ETV1: variants seen among roughly 807,000 people sequenced by gnomAD.
The protein encoded by ETV1 is ETS translocation variant 1.
ETV1 carries 27 observed loss-of-function variants against 62.3 expected under a neutral mutation model. The observed-to-expected ratio is 0.43, with a 90% CI of 0.32 to 0.60. The LOEUF (loss-of-function observed/expected upper bound fraction) is 0.60, where lower values mean the gene tolerates loss of function less well. ETV1 is among the 20% of genes least tolerant of loss of function. ETV1 has a pLI of 0.06. For synonymous variants in ETV1, 222 were observed against 199.6 expected (o/e 1.11, Z -0.94); for missense variants, 605 against 605.8 (o/e 1.00, Z 0.01).
chr7:13,895,858 C>A lies in ETV1; in HGVS notation c.*8G>T, dbSNP rs879180769. ...GCGCAAAAACGCCCTGCTTGACTGT[C>A]ACTTGTGTTAATACACGTAGCCTTC... On this transcript the variant is annotated 3_prime_UTR_variant, in exon 14 of 14. Transcript: ENST00000430479. 2 of 1,607,994 alleles carry A rather than the reference C, an allele frequency of 1.2e-6. No individual in the cohort carries two copies. Among genetic ancestry groups the A allele is most frequent in the Admixed American group, 1.7e-5 (1 of 59,756 alleles).
chr7:13,940,563 T>C (rs1054879987), intron 6 of ETV1, among the ~76,000 whole-genome samples: 5 of 152,084 alleles, frequency 3.3e-5, no homozygotes, highest in Non-Finnish European at 7.3e-5. Context: ...CAGGTATGAA[T>C]AGTCAAGGGA....
chr7:13,931,969 T>C (rs933305099), intron 8 of ETV1, among the ~76,000 whole-genome samples: 1 of 152,000 alleles, frequency 6.6e-6, no homozygotes. Context: ...TGCAGCACTG[T>C]TGCAGTATAT....
At chr7:13,949,345 T>C (rs2128470190) in intron 6 of ETV1, among the ~76,000 whole-genome samples, 1 of 152,284 alleles carries the variant, frequency 6.6e-6, no homozygotes, top group South Asian at 2.1e-4. Context: ...ATCACTTCAA[T>C]TTCAGGTAAT....
chr7:13,903,186 T>C (rs1410737712), intron 12 of ETV1, among the ~76,000 whole-genome samples: 2 of 152,198 alleles, frequency 1.3e-5, no homozygotes, highest in Non-Finnish European at 2.9e-5. Flanking sequence ...GACTTCCTTA[T>C]ATACGCCTTC....
intron 9 of ETV1, among the ~76,000 whole-genome samples, chr7:13,917,096 C>T (rs1025450396): frequency 6.6e-6 from 1 of 152,144 alleles, no homozygotes; most frequent in East Asian, 1.9e-4. Context: ...ATAAACTTCT[C>T]TTGTAAGCAC....
chr7:13,928,270 T>C (rs961036377), intron 9 of ETV1, among the ~76,000 whole-genome samples: 4 of 152,160 alleles, frequency 2.6e-5, no homozygotes, highest in African/African-American at 9.7e-5. Flanking sequence ...TATAACTGTA[T>C]ATACAATATA....
intron 6 of ETV1, among the ~76,000 whole-genome samples, chr7:13,965,659 T>G (rs1454980456): frequency 6.6e-6 from 1 of 152,162 alleles, no homozygotes; most frequent in Non-Finnish European, 1.5e-5. Context: ...ATCAAGTTAT[T>G]TCAGAGTATT....
intron 6 of ETV1, among the ~76,000 whole-genome samples, chr7:13,945,358 C>A (rs572915010): frequency 9.2e-5 from 14 of 152,072 alleles, no homozygotes; most frequent in African/African-American, 3.1e-4. Context: ...CAAGTTCTCC[C>A]GCTCCAGTAG....
intron 8 of ETV1, among the ~76,000 whole-genome samples, chr7:13,933,601 G>A (rs1033097215): frequency 6.6e-6 from 1 of 152,190 alleles, no homozygotes; most frequent in African/African-American, 2.4e-5. Flanking sequence ...GAAGTGGGGT[G>A]CCTGGCTGGA....
At chr7:13,967,273 A>G (rs947426799) in intron 6 of ETV1, among the ~76,000 whole-genome samples, 1 of 152,158 alleles carries the variant, frequency 6.6e-6, no homozygotes, top group African/African-American at 2.4e-5. Flanking sequence ...AGGACTATAT[A>G]GGCAATAACT....
In ETV1 at chr7:13,895,517, C is replaced by T. The variant is rs1227144491; in HGVS notation, c.*349G>A. On this transcript the variant is annotated 3_prime_UTR_variant, in exon 14 of 14. Transcript: ENST00000430479. Reference sequence around the variant, plus strand: ...GATACCCCGATAAAATAAACATTATCTTATGTTGTTATGAAATCAAACAGA... The same window carrying T: ...GATACCCCGATAAAATAAACATTATTTTATGTTGTTATGAAATCAAACAGA... 1 of 288,858 alleles carries T rather than the reference C, an allele frequency of 3.5e-6. No individual in the cohort carries two copies. The highest frequency in any genetic ancestry group is 4.6e-5 in the Admixed American group (1 of 21,822). The allele number at this position is 288,858 out of a possible 1,614,324, so 17.9% of individuals were successfully genotyped here. A position where few individuals can be genotyped will look rare whatever the true frequency, so the allele number is the denominator to read the frequency against.
At chr7:13,980,960 T>C (rs1021750763) in intron 5 of ETV1, among the ~76,000 whole-genome samples, 3 of 152,138 alleles carry the variant, frequency 2.0e-5, no homozygotes, top group Non-Finnish European at 2.9e-5. Context: ...TGCCTTTATG[T>C]TATGCTTATT....
intron 5 of ETV1, among the ~76,000 whole-genome samples, chr7:13,981,965 A>G (rs1327958625): frequency 1.3e-5 from 2 of 152,142 alleles, no homozygotes; most frequent in African/African-American, 4.8e-5. Context: ...CACTTTTAAC[A>G]TTAAAATGAT....
chr7:13,984,042 A>G (rs1483875607), intron 5 of ETV1, among the ~76,000 whole-genome samples: 1 of 151,940 alleles, frequency 6.6e-6, no homozygotes, highest in East Asian at 1.9e-4. Context: ...ACATGCTAAG[A>G]TATCATTTCA....
At chr7:13,948,871 A>G (rs1017535733) in intron 6 of ETV1, among the ~76,000 whole-genome samples, 5 of 151,892 alleles carry the variant, frequency 3.3e-5, no homozygotes, top group Non-Finnish European at 5.9e-5. Context: ...TAATCTCTTA[A>G]CTCTTGGTTT....
At position 13,988,340 on chromosome 7, in the gene ETV1, C is replaced by T. The variant is rs1005194199; in HGVS notation, c.46-167G>A. On this transcript the variant is annotated intron_variant, in intron 3 of 13. Coordinates refer to ENST00000430479, the MANE Select transcript of ETV1 (RefSeq NM_004956.5). ...GTATCAACTCTAATATTCATTTTCT[C>T]ACTTATTTGACAGTGAAAGCTTATG... is the stretch of plus-strand genomic sequence containing the variant. The T allele has an allele frequency of 1.2e-5, 7 of 590,784 alleles. No individual in the cohort carries two copies. In the African/African-American group the frequency reaches 1.3e-4, roughly 11 times the overall value. 36.6% of individuals were successfully genotyped at this position (590,784 alleles called of 1,614,324 possible).
At chr7:13,989,169 T>TAA (rs10622991) in intron 2 of ETV1, 30 bp from the exon 3 acceptor site, 272,211 of 699,572 alleles carry the variant, frequency 0.39, 43,598 homozygotes, top group Admixed American at 0.52. Flanking sequence ...CTTTTAGGCT[T>TAA]AAAAAAAAAT....
In ETV1 at chr7:13,984,672, T is replaced by C. The variant is rs536339861; in HGVS notation, c.181+1966A>G. Reference sequence around the variant, plus strand: ...AAATAGTAGTCCACCTGGGAATTCATATAAAACACTCATGATTAATTCCTG... The same window carrying C: ...AAATAGTAGTCCACCTGGGAATTCACATAAAACACTCATGATTAATTCCTG... On this transcript the variant is annotated intron_variant, in intron 5 of 13. Coordinates refer to ENST00000430479, the MANE Select transcript of ETV1 (RefSeq NM_004956.5). Among the ~76,000 whole-genome samples, 21 of 152,126 alleles carry C rather than the reference T, an allele frequency of 1.4e-4. No individual in the cohort carries two copies. The South Asian group carries it at 4.1e-3, about 30-fold the overall frequency.
At chr7:13,917,953 G>C (rs1583622692) in intron 9 of ETV1, among the ~76,000 whole-genome samples, 1 of 151,936 alleles carries the variant, frequency 6.6e-6, no homozygotes, top group Non-Finnish European at 1.5e-5. Context: ...GGCTGAGTGA[G>C]ACTCTGTCTC....
Sources: allele counts gnomAD v4.1 joint callset (sites outside exome capture counted in the v4.1 genomes callset), GRCh38; gene constraint gnomAD v4.1.1; transcripts MANE v1.5; gene names NCBI Gene and HGNC (gene_info 2026-07-23, HGNC 2026-07-21).